The following TMPRSS11F variants were observed in gnomAD, a reference collection of about 807,000 sequenced individuals.
TMPRSS11F encodes the protein transmembrane serine protease 11F, also known as transmembrane protease serine 11F.
TMPRSS11F carries 47 observed loss-of-function variants against 60.2 expected under a neutral mutation model. The ratio of observed to expected loss-of-function variants is 0.78; its 90% CI spans 0.62 to 1.00. TMPRSS11F has a LOEUF of 1.00. Among genes scored for constraint, TMPRSS11F ranks in the 50% least tolerant of loss-of-function variants. TMPRSS11F has a pLI of 0.00. For synonymous variants in TMPRSS11F, 166 were observed against 167.3 expected (o/e 0.99, Z 0.06); for missense variants, 519 against 522.9 (o/e 0.99, Z 0.07).
rs535422330 is a variant in TMPRSS11F, at chr4:68,059,901, C to T, written c.1016-433G>A. Among the ~76,000 whole-genome samples the T allele has an allele frequency of 2.6e-5, 4 of 152,250 alleles. No individual in the cohort carries two copies. In the South Asian group the frequency reaches 8.3e-4, roughly 32 times the overall value. ...GGACAGCTGCACAGATCTCTTCACC[C>T]TACTCTACTCTGTCATGTATTATTT... On this transcript the variant is annotated intron_variant, in intron 8 of 9. Transcript: ENST00000356291.
At chr4:68,077,809 T>A (rs531027467) in intron 3 of TMPRSS11F, among the ~76,000 whole-genome samples, 1 of 152,270 alleles carries the variant, frequency 6.6e-6, no homozygotes, top group South Asian at 2.1e-4. Flanking sequence ...ATAAGAAAGA[T>A]CATCAACTGT....
intron 1 of TMPRSS11F, among the ~76,000 whole-genome samples, chr4:68,123,717 C>T (rs868187940): frequency 3.3e-5 from 5 of 152,128 alleles, no homozygotes; most frequent in Middle Eastern, 3.4e-3. Context: ...CACAATGGGA[C>T]AGGAAATGTC....
chr4:68,087,557 G>C (rs779525693), intron 3 of TMPRSS11F, among the ~76,000 whole-genome samples: 3 of 151,892 alleles, frequency 2.0e-5, no homozygotes, highest in Non-Finnish European at 4.4e-5. Flanking sequence ...AATAGAAAAA[G>C]AAGTAGTTAA....
intron 1 of TMPRSS11F, among the ~76,000 whole-genome samples, chr4:68,125,780 G>A (rs1363349719): frequency 6.6e-6 from 1 of 152,142 alleles, no homozygotes; most frequent in Non-Finnish European, 1.5e-5. Context: ...TGGTTTCCAT[G>A]CTGTCTTCCT....
At chr4:68,120,151 T>G (rs1724595684) in intron 1 of TMPRSS11F, among the ~76,000 whole-genome samples, 1 of 152,162 alleles carries the variant, frequency 6.6e-6, no homozygotes, top group Admixed American at 6.5e-5. Context: ...AGATGAAGAG[T>G]TGCTTCTTAT....
rs565504284 is a variant in TMPRSS11F at position 68,086,236 on chromosome 4, C to A, written c.282+4287G>T. Among the ~76,000 whole-genome samples, 9 of 152,204 alleles carry A rather than the reference C, an allele frequency of 5.9e-5. No homozygotes were observed. In the East Asian group the frequency reaches 1.7e-3, roughly 29 times the overall value. On this transcript the variant is annotated intron_variant, in intron 3 of 9. Coordinates refer to ENST00000356291, the MANE Select transcript of TMPRSS11F (RefSeq NM_207407.2). ...ACCAAGAAGATATCTCAAAACCACA[C>A]AACTACATGGAAATTAAGTAACTTG... is the stretch of plus-strand genomic sequence containing the variant.
At chr4:68,129,707 G>A in intron 1 of TMPRSS11F, 103 bp downstream of exon 1, 2 of 1,042,862 alleles carry the variant, frequency 1.9e-6, no homozygotes, top group Non-Finnish European at 2.9e-6. Context: ...AAACTCTAAT[G>A]TTTAAATCAA....
chr4:68,090,614 G>A lies in TMPRSS11F; in HGVS notation c.191C>T (p.Ser64Phe). The A allele has an allele frequency of 1.9e-6, 3 of 1,600,420 alleles. No individual in the cohort carries two copies. Among genetic ancestry groups the A allele is most frequent in the Non-Finnish European group, 2.6e-6 (3 of 1,172,170 alleles). The change falls in exon 3 of 10, where the codon TCT (serine) becomes TTT (phenylalanine). Residue 64 changes from serine (S) to phenylalanine (F), a missense_variant. Coordinates refer to ENST00000356291, the MANE Select transcript of TMPRSS11F (RefSeq NM_207407.2). ...ATATTTGATATTTGTGACTTTAAAA[G>A]AGGCAAGGTAATAGAAAGACTTATC... ...EDDKSFYYLASFKVTNIKYKE... is the reference protein window; with the variant it reads ...EDDKSFYYLAFFKVTNIKYKE...
chr4:68,073,838 T>C (rs1577916697), intron 4 of TMPRSS11F, 104 bp downstream of exon 4: 1 of 658,718 alleles, frequency 1.5e-6, no homozygotes. Flanking sequence ...TTATGAAATC[T>C]CTGTGTTGCT....
intron 1 of TMPRSS11F, among the ~76,000 whole-genome samples, chr4:68,100,413 A>T (rs1724168829): frequency 6.6e-6 from 1 of 152,140 alleles, no homozygotes; most frequent in Admixed American, 6.5e-5. Context: ...AGACAGGTAG[A>T]CCAGTTTAGA....
intron 1 of TMPRSS11F, among the ~76,000 whole-genome samples, chr4:68,105,536 G>T (rs900364075): frequency 6.6e-6 from 1 of 152,110 alleles, no homozygotes; most frequent in African/African-American, 2.4e-5. Context: ...TCATGGCTTT[G>T]TCAGACCCAA....
At chr4:68,106,115 T>TA (rs576914145) in intron 1 of TMPRSS11F, among the ~76,000 whole-genome samples, 4 of 152,296 alleles carry the variant, frequency 2.6e-5, no homozygotes, top group South Asian at 2.1e-4. Context: ...TCCATATCAT[T>TA]AAAAAAATCT....
intron 8 of TMPRSS11F, among the ~76,000 whole-genome samples, chr4:68,061,047 A>G (rs552567999): frequency 1.5e-3 from 210 of 135,644 alleles, no homozygotes; most frequent in Admixed American, 2.8e-3. Context: ...TATTTTTAAT[A>G]TATATAAAAC....
At chr4:68,081,641 G>A (rs77075559) in intron 3 of TMPRSS11F, among the ~76,000 whole-genome samples, 2 of 152,124 alleles carry the variant, frequency 1.3e-5, no homozygotes, top group African/African-American at 2.4e-5. Flanking sequence ...TTAATCACAC[G>A]AGCAAGTCTC....
chr4:68,068,490 G>C, intron 7 of TMPRSS11F, 128 bp downstream of exon 7: 1 of 700,170 alleles, frequency 1.4e-6, no homozygotes, highest in South Asian at 1.8e-5. Context: ...AATCCATTTA[G>C]GGGACAGCTA....
At chr4:68,078,803 T>A (rs1377249070) in intron 3 of TMPRSS11F, among the ~76,000 whole-genome samples, 1 of 152,116 alleles carries the variant, frequency 6.6e-6, no homozygotes, top group Non-Finnish European at 1.5e-5. Context: ...GTCATGACAC[T>A]TACAATTTCA....
intron 3 of TMPRSS11F, among the ~76,000 whole-genome samples, chr4:68,087,288 A>G (rs2109861000): frequency 6.6e-6 from 1 of 152,338 alleles, no homozygotes; most frequent in East Asian, 1.9e-4. Context: ...AGATGCAGAA[A>G]AAGCTTTTGA....
chr4:68,123,991 C>A (rs1305685961), intron 1 of TMPRSS11F, among the ~76,000 whole-genome samples: 2 of 152,150 alleles, frequency 1.3e-5, no homozygotes, highest in South Asian at 2.1e-4. Context: ...GAGGCGGAGG[C>A]AGGTAGATCC....
intron 6 of TMPRSS11F, 123 bp from the exon 7 acceptor site, chr4:68,068,942 C>T (rs1723392360): frequency 9.4e-6 from 9 of 960,752 alleles, no homozygotes; most frequent in Non-Finnish European, 1.4e-5. Flanking sequence ...TAGCACTCAG[C>T]CTTTGAGCTT....
Sources: allele counts gnomAD v4.1 joint callset (sites outside exome capture counted in the v4.1 genomes callset), GRCh38; gene constraint gnomAD v4.1.1; transcripts MANE v1.5; gene names NCBI Gene and HGNC (gene_info 2026-07-23, HGNC 2026-07-21).